The following RBFOX1 variants were observed in gnomAD, a reference collection of about 807,000 sequenced individuals.
The protein encoded by RBFOX1 is RNA binding fox-1 homolog 1.
In RBFOX1, 8 loss-of-function variants were observed where a neutral mutation model predicts 57.7. That is an observed-to-expected ratio of 0.14 (90% CI 0.08 to 0.25). The LOEUF is 0.25. Ranked by LOEUF, RBFOX1 falls within the 10% of genes least tolerant of loss-of-function variation. The pLI is 1.00. For synonymous variants in RBFOX1, 326 were observed against 222.4 expected (o/e 1.47, Z -4.15); for missense variants, 611 against 548.5 (o/e 1.11, Z -1.14).
chr16:7,519,486 C>T (rs900124366), intron 5 of RBFOX1, among the ~76,000 whole-genome samples: 95 of 152,202 alleles, frequency 6.2e-4, no homozygotes, highest in African/African-American at 1.8e-3. Flanking sequence ...TAAACAGAAA[C>T]ATTTTATCAT....
chr16:6,507,477 C>T, intron 2 of RBFOX1, among the ~76,000 whole-genome samples: 1 of 119,764 alleles, frequency 8.3e-6, no homozygotes, highest in Non-Finnish European at 1.6e-5. Context: ...TGGAAATCAA[C>T]CTGGGCAACA....
chr16:6,622,345 G>A lies in RBFOX1; in HGVS notation c.-63-32258G>A, dbSNP rs74757265. Among the ~76,000 whole-genome samples the A allele has an allele frequency of 7.8e-4, 119 of 152,094 alleles. 3 individuals carry two copies. The East Asian group carries it at 0.014, about 17-fold the overall frequency. ...ATTTTTTATCTTTTATATTTTTATC[G>A]TACCTTTTCTATGTATAGATAGATT... On this transcript the variant is annotated intron_variant, in intron 2 of 15. Transcript: ENST00000550418.
At chr16:6,893,102 G>C (rs987895435) in intron 3 of RBFOX1, among the ~76,000 whole-genome samples, 1 of 152,080 alleles carries the variant, frequency 6.6e-6, no homozygotes, top group African/African-American at 2.4e-5. Context: ...GACCCTCCTA[G>C]ATTCCATTCA....
At chr16:6,972,154 A>C (rs1225453057) in intron 3 of RBFOX1, among the ~76,000 whole-genome samples, 1 of 152,164 alleles carries the variant, frequency 6.6e-6, no homozygotes, top group African/African-American at 2.4e-5. Context: ...ATAGTTCAGT[A>C]GTGTTCAGTA....
chr16:6,556,526 A>G (rs1394082094), intron 2 of RBFOX1, among the ~76,000 whole-genome samples: 1 of 152,186 alleles, frequency 6.6e-6, no homozygotes, highest in African/African-American at 2.4e-5. Context: ...AGGCCCACAG[A>G]CAATGAAAGA....
At chr16:7,169,482 G>T (rs963989538) in intron 4 of RBFOX1, among the ~76,000 whole-genome samples, 1 of 152,150 alleles carries the variant, frequency 6.6e-6, no homozygotes, top group African/African-American at 2.4e-5. Flanking sequence ...TCTTCAAGTT[G>T]TCACACTGAG....
At chr16:5,517,911 A>T (rs2043852937) in intron 2 of RBFOX1, among the ~76,000 whole-genome samples, 1 of 150,536 alleles carries the variant, frequency 6.6e-6, no homozygotes, top group Admixed American at 6.7e-5. Flanking sequence ...GTGTATATTT[A>T]TAAAATATGC....
At chr16:7,178,890 G>C (rs980587369) in intron 4 of RBFOX1, among the ~76,000 whole-genome samples, 10 of 151,998 alleles carry the variant, frequency 6.6e-5, no homozygotes, top group Admixed American at 6.6e-5. Context: ...AGTTTGGTTG[G>C]TTTTACTGAT....
In RBFOX1 at chr16:7,518,223, A is replaced by G. The variant is rs965563468; in HGVS notation, c.104A>G (p.Asn35Ser). ...TCGGCCCAGTTTGCTCCCCCGCAGA[A>G]CGGTATCCCCGCGGAATACACGGCC... ...YASAQFAPPQ[N>S]GIPAEYTAPH... Residue 35 changes from asparagine (N) to serine (S), a missense_variant, in exon 5 of 16, where the codon AAC becomes AGC. Coordinates refer to ENST00000550418, the MANE Select transcript of RBFOX1 (RefSeq NM_018723.4). 5.0e-6 allele frequency: 8 copies of G among 1,613,920 alleles called. No individual in the cohort carries two copies. The African/African-American group carries it at 8.0e-5, about 16-fold the overall frequency.
At chr16:7,160,191 G>A (rs1189478038) in intron 4 of RBFOX1, among the ~76,000 whole-genome samples, 1 of 150,532 alleles carries the variant, frequency 6.6e-6, no homozygotes, top group Non-Finnish European at 1.5e-5. Context: ...TATGACTTTT[G>A]ACTTTTTTTT....
chr16:5,405,023 G>A (rs1021780176), intron 1 of RBFOX1, among the ~76,000 whole-genome samples: 1 of 152,178 alleles, frequency 6.6e-6, no homozygotes, highest in Non-Finnish European at 1.5e-5. Flanking sequence ...CATTCTGTGA[G>A]TTAGGTACTG....
At chr16:7,207,891 T>A (rs2090321287) in intron 4 of RBFOX1, among the ~76,000 whole-genome samples, 1 of 152,162 alleles carries the variant, frequency 6.6e-6, no homozygotes, top group African/African-American at 2.4e-5. Flanking sequence ...ATGGTGACAG[T>A]GAGAGTTGAA....
chr16:5,788,724 C>G (rs533616782), intron 3 of RBFOX1, among the ~76,000 whole-genome samples: 1 of 152,118 alleles, frequency 6.6e-6, no homozygotes, highest in Non-Finnish European at 1.5e-5. Flanking sequence ...GAGTGTAAGA[C>G]ACACACATAC....
At chr16:5,572,776 C>T (rs1003478220) in intron 2 of RBFOX1, among the ~76,000 whole-genome samples, 16 of 152,104 alleles carry the variant, frequency 1.1e-4, no homozygotes, top group African/African-American at 3.9e-4. Context: ...AGGGAATGTA[C>T]TCTGTGGATA....
intron 2 of RBFOX1, among the ~76,000 whole-genome samples, chr16:6,595,719 T>G (rs1191653513): frequency 3.3e-5 from 5 of 152,228 alleles, no homozygotes; most frequent in African/African-American, 7.2e-5. Context: ...CACGAATACT[T>G]GTTATTATTT....
chr16:6,023,038 C>T (rs1044601558), intron 1 of RBFOX1, among the ~76,000 whole-genome samples: 19 of 152,094 alleles, frequency 1.2e-4, no homozygotes, highest in African/African-American at 3.6e-4. Flanking sequence ...AGGTTGTGGC[C>T]AGGGTCTCAG....
At chr16:6,780,923 G>C (rs775966640) in intron 3 of RBFOX1, among the ~76,000 whole-genome samples, 4 of 151,984 alleles carry the variant, frequency 2.6e-5, no homozygotes, top group Admixed American at 6.6e-5. Flanking sequence ...GTTGGCAAAT[G>C]TTTTCTTCCA....
intron 3 of RBFOX1, among the ~76,000 whole-genome samples, chr16:6,947,422 A>C (rs1213002699): frequency 6.6e-6 from 1 of 152,188 alleles, no homozygotes; most frequent in Non-Finnish European, 1.5e-5. Flanking sequence ...AGATGGGAGA[A>C]TGGAGACTGG....
intron 4 of RBFOX1, among the ~76,000 whole-genome samples, chr16:7,162,685 C>T (rs141486012): frequency 1.6e-4 from 24 of 151,870 alleles, no homozygotes; most frequent in East Asian, 1.6e-3. Context: ...GCTGAGATTG[C>T]GCCACTGCAC....
Sources: allele counts gnomAD v4.1 joint callset (sites outside exome capture counted in the v4.1 genomes callset), GRCh38; gene constraint gnomAD v4.1.1; transcripts MANE v1.5; gene names NCBI Gene and HGNC (gene_info 2026-07-23, HGNC 2026-07-21).